Variants in FUBP1 observed in about 807,000 individuals in gnomAD.
FUBP1 encodes far upstream element-binding protein 1.
A neutral mutation model predicts 94.9 loss-of-function variants in FUBP1; 16 were observed. That is an observed-to-expected ratio of 0.17 (90% CI 0.11 to 0.26). The LOEUF is 0.26. Among genes scored for constraint, FUBP1 ranks in the 10% least tolerant of loss-of-function variants. The pLI is 1.00. For missense variants in FUBP1, 583 were observed against 808.6 expected (o/e 0.72, Z 3.38); for synonymous variants, 279 against 254.9 (o/e 1.09, Z -0.90).
chr1:77,965,121 C>G lies in FUBP1; in HGVS notation c.584G>C (p.Ser195Thr), dbSNP rs766891887. Residue 195 changes from serine (S) to threonine (T), a missense_variant, in exon 8 of 20, where the codon AGC (serine) becomes ACC (threonine). Ser to Thr is a moderately conservative substitution (Grantham distance 58). Coordinates refer to ENST00000370768, the MANE Select transcript of FUBP1 (RefSeq NM_003902.5). Reference sequence around the variant, plus strand: ...TTTTCCAATGACTAATCCTGCCTTGCTAGCTGGAATCATGATTTCTTGAAC... The same window carrying G: ...TTTTCCAATGACTAATCCTGCCTTGGTAGCTGGAATCATGATTTCTTGAAC... ...NAVQEIMIPA[S>T]KAGLVIGKGG... 1.2e-6 allele frequency: 2 copies of G among 1,612,592 alleles called. No individual in the cohort carries two copies. Among genetic ancestry groups the G allele is most frequent in the South Asian group, 1.1e-5 (1 of 91,030 alleles).
intron 1 of FUBP1, among the ~76,000 whole-genome samples, chr1:77,975,014 T>G (rs898518559): frequency 2.0e-5 from 3 of 152,324 alleles, no homozygotes; most frequent in Admixed American, 2.0e-4. Context: ...ACTTAAAGCA[T>G]CTCTAAATTA....
rs932099125 is a variant in FUBP1 at position 77,956,837 on chromosome 1, G to A, written c.1577-137C>T. The A allele has an allele frequency of 4.0e-5, 20 of 498,694 alleles. No homozygotes were observed. The Admixed American group carries it at 6.8e-4, about 17-fold the overall frequency. 30.9% of individuals were successfully genotyped at this position (498,694 alleles called of 1,614,324 possible). A position where few individuals can be genotyped will look rare whatever the true frequency, so the allele number is the denominator to read the frequency against. On this transcript the variant is annotated intron_variant, in intron 16 of 19. Transcript: ENST00000370768. ...AACTAGAACATTAAAAAAAGTATATGAAAACTTAAATTTTCTATTATTTTT... is the reference window on the plus strand; with the variant it reads ...AACTAGAACATTAAAAAAAGTATATAAAAACTTAAATTTTCTATTATTTTT...
chr1:77,960,563 A>G, intron 14 of FUBP1, 68 bp from the exon 15 acceptor site: 2 of 1,252,256 alleles, frequency 1.6e-6, no homozygotes, highest in South Asian at 2.8e-5. Flanking sequence ...TCTACGGCCA[A>G]ATAATCATCC....
intron 1 of FUBP1, among the ~76,000 whole-genome samples, chr1:77,978,041 T>G (rs1249443423): frequency 6.6e-6 from 1 of 152,258 alleles, no homozygotes; most frequent in Non-Finnish European, 1.5e-5. Flanking sequence ...TAGGATTCTT[T>G]TGCTTACATG....
chr1:77,958,733 T>G (rs1261655292), intron 16 of FUBP1, among the ~76,000 whole-genome samples: 4 of 152,196 alleles, frequency 2.6e-5, no homozygotes, highest in African/African-American at 9.7e-5. Context: ...TCATTTTTCC[T>G]CAATCATGCT....
At chr1:77,960,769 C>T (rs573431843) in intron 14 of FUBP1, 19 of 324,034 alleles carry the variant, frequency 5.9e-5, no homozygotes, top group African/African-American at 8.9e-5. Context: ...AGCTTGTTTG[C>T]GGACAGCAGT....
At chr1:77,950,999 G>A (rs1363480067) in intron 18 of FUBP1, among the ~76,000 whole-genome samples, 1 of 152,138 alleles carries the variant, frequency 6.6e-6, no homozygotes, top group Non-Finnish European at 1.5e-5. Flanking sequence ...TGTTCTCAAA[G>A]AGGAAGTAAG....
rs1295735378 is a variant in FUBP1, at chr1:77,965,213, C to T, written c.492G>A (p.Leu164=). 3.7e-6 allele frequency: 6 copies of T among 1,605,384 alleles called. No individual in the cohort carries two copies. ...PESVQSAKRL[L]DQIVEKGRPA... The stretch of plus-strand genomic sequence containing the variant: ...GTCTTCCTTTTTCAACAATCTGGTC[C>T]AGTAACCGTTTTGCTGACCTGTTAA... Residue 164 remains leucine (L), a synonymous_variant, in exon 8 of 20, where the codon CTG becomes CTA. Transcript: ENST00000370768.
intron 2 of FUBP1, 72 bp downstream of exon 2, chr1:77,969,853 C>A: frequency 1.5e-6 from 1 of 669,444 alleles, no homozygotes; most frequent in East Asian, 2.9e-5. Context: ...AATAAAATAA[C>A]AGAAAAATAC....
At chr1:77,967,590 A>C in intron 4 of FUBP1, 37 bp downstream of exon 4, 1 of 1,531,646 alleles carries the variant, frequency 6.5e-7, no homozygotes, top group East Asian at 2.3e-5. Flanking sequence ...CTCAACCAAA[A>C]CTTGCAGAGT....
Position 77,949,300 on chromosome 1 carries a change from C to A in FUBP1, c.1781G>T (p.Gly594Val). ...CCCAGTCGGAGCAGGAACTGCCTGACCTTTGAAAAAAAAGAACTTTGTTGC... is the reference window on the plus strand; with the variant it reads ...CCCAGTCGGAGCAGGAACTGCCTGAACTTTGAAAAAAAAGAACTTTGTTGC... Reference protein sequence around the residue: ...KAWEEYYKKMGQAVPAPTGAP... With the variant: ...KAWEEYYKKMVQAVPAPTGAP... Residue 594 changes from glycine to valine, a missense_variant and splice_region_variant, in exon 19 of 20, where the codon GGT (glycine) becomes GTT (valine). Coordinates refer to ENST00000370768, the MANE Select transcript of FUBP1 (RefSeq NM_003902.5). The A allele has an allele frequency of 1.2e-6, 2 of 1,610,932 alleles. No homozygotes were observed. Among genetic ancestry groups the A allele is most frequent in the Non-Finnish European group, 1.7e-6 (2 of 1,178,666 alleles).
In FUBP1 at chr1:77,964,856, A is replaced by G. The variant is rs1263859733; in HGVS notation, c.735+14T>C. The G allele has an allele frequency of 1.4e-5, 22 of 1,561,968 alleles. No homozygotes were observed. In the East Asian group the frequency reaches 4.9e-4, roughly 35 times the overall value. Reference sequence around the variant, plus strand: ...AACCCACTCTTTCTTTATAAAGTATAAAGTTAAGTTTACTTGAACTTTATA... The same window carrying G: ...AACCCACTCTTTCTTTATAAAGTATGAAGTTAAGTTTACTTGAACTTTATA... On this transcript the variant is annotated intron_variant, in intron 9 of 19. Coordinates refer to ENST00000370768, the MANE Select transcript of FUBP1 (RefSeq NM_003902.5).
At chr1:77,972,958 G>C (rs918287633) in intron 1 of FUBP1, among the ~76,000 whole-genome samples, 1 of 150,770 alleles carries the variant, frequency 6.6e-6, no homozygotes, top group Non-Finnish European at 1.5e-5. Context: ...AGCTGAGATG[G>C]GAGAACTGGC....
chr1:77,961,349 GTTC>G (rs1655444947), intron 14 of FUBP1, among the ~76,000 whole-genome samples: 2 of 152,150 alleles, frequency 1.3e-5, no homozygotes, highest in East Asian at 3.8e-4. Context: ...GACCTTTAAA[GTTC>G]TTTTTATTAA....
chr1:77,960,427 A>AGGTCCATGGGGGCCTGGGACACCATGG lies in FUBP1; in HGVS notation c.1386_1412dup (p.His463_Pro471dup), dbSNP rs1268961108. On this transcript the variant is annotated inframe_insertion, in exon 15 of 20. Transcript: ENST00000370768. ...GAGTTCCAGGCCCTGGAGGCCCAGG[A>AGGTCCATGGGGGCCTGGGACACCATGG]GGTCCATGGGGGCCTGGGACACCAT... is the stretch of plus-strand genomic sequence containing the variant. The AGGTCCATGGGGGCCTGGGACACCATGG allele has an allele frequency of 2.4e-5, 39 of 1,593,594 alleles. No individual in the cohort carries two copies. The highest frequency in any genetic ancestry group is 3.2e-5 in the Non-Finnish European group (38 of 1,174,620).
At chr1:77,978,757 GTC>G in intron 1 of FUBP1, 126 bp downstream of exon 1, 1 of 1,167,398 alleles carries the variant, frequency 8.6e-7, no homozygotes, top group East Asian at 2.4e-5. Context: ...GGGGAAACGT[GTC>G]TCTTCACATT....
rs574846511 is a variant in FUBP1 at position 77,949,391 on chromosome 1, T to C, written c.1781-91A>G. ...AAACAATACCTTGCTTCTTGTAATA[T>C]TTCTCCCAAGCCTTTGAATAATCTT... is the stretch of plus-strand genomic sequence containing the variant. On this transcript the variant is annotated intron_variant, in intron 18 of 19. Transcript: ENST00000370768. 9 of 1,043,068 alleles carry C rather than the reference T, an allele frequency of 8.6e-6. No homozygotes were observed. The African/African-American group carries it at 9.6e-5, about 11-fold the overall frequency. 64.6% of individuals were successfully genotyped at this position (1,043,068 alleles called of 1,614,324 possible).
intron 14 of FUBP1, 45 bp downstream of exon 14, chr1:77,962,725 G>A (rs778604853): frequency 9.2e-6 from 12 of 1,311,338 alleles, no homozygotes; most frequent in South Asian, 1.3e-5. Context: ...TTTAACTACA[G>A]TCTAAGGGTC....
chr1:77,973,978 A>G (rs1334375704), intron 1 of FUBP1, among the ~76,000 whole-genome samples: 1 of 152,154 alleles, frequency 6.6e-6, no homozygotes, highest in South Asian at 2.1e-4. Flanking sequence ...GATGTAGTGC[A>G]GTGGCACGAT....
Sources: gnomAD v4.1 joint callset for allele counts (sites outside exome capture counted in the v4.1 genomes callset) on GRCh38, gnomAD v4.1.1 for gene constraint, MANE v1.5 for transcripts, NCBI Gene and HGNC (gene_info 2026-07-23, HGNC 2026-07-21) for gene names.